HTT: variants seen among roughly 807,000 people sequenced by gnomAD.
HTT encodes huntington disease protein.
A neutral mutation model predicts 362.3 loss-of-function variants in HTT; 104 were observed. The ratio of observed to expected loss-of-function variants is 0.29; its 90% confidence interval spans 0.24 to 0.34. The LOEUF (loss-of-function observed/expected upper bound fraction) is 0.34, where lower values mean the gene tolerates loss of function less well. Among genes scored for constraint, HTT ranks in the 10% least tolerant of loss-of-function variants. The pLI is 1.00. For synonymous variants in HTT, 1,577 were observed against 1,548.7 expected (o/e 1.02, Z -0.43); for missense variants, 3,301 against 3,928.6 (o/e 0.84, Z 4.27).
chr4:3,115,157 G>T, intron 6 of HTT, 147 bp from the exon 7 acceptor site: 2 of 760,058 alleles, frequency 2.6e-6, no homozygotes, highest in East Asian at 5.4e-5. Flanking sequence ...CAAATTTGGG[G>T]TACTTCAGTT....
intron 49 of HTT, 65 bp downstream of exon 49, chr4:3,212,774 G>C: frequency 1.9e-6 from 3 of 1,545,818 alleles, no homozygotes; most frequent in Non-Finnish European, 2.7e-6. Context: ...CACTGAAGAG[G>C]GTAAAGCAGT....
At chr4:3,076,335 C>T (rs28564368) in intron 1 of HTT, among the ~76,000 whole-genome samples, 2 of 152,020 alleles carry the variant, frequency 1.3e-5, no homozygotes, top group African/African-American at 2.4e-5. Context: ...CTGGATGTGT[C>T]CCAGATGGCA....
intron 54 of HTT, 37 bp from the exon 55 acceptor site, chr4:3,223,369 C>A: frequency 6.5e-7 from 1 of 1,533,116 alleles, no homozygotes; most frequent in South Asian, 1.3e-5. Flanking sequence ...TTGTGGGTGT[C>A]TTGCTGCTCT....
intron 61 of HTT, among the ~76,000 whole-genome samples, chr4:3,233,840 G>A (rs1007979174): frequency 3.3e-5 from 5 of 152,192 alleles, no homozygotes; most frequent in African/African-American, 1.2e-4. Context: ...ACCCCTCAGC[G>A]AGCAAGTCAA....
At chr4:3,207,902 T>TA (rs1719942336) in intron 45 of HTT, among the ~76,000 whole-genome samples, 1 of 151,456 alleles carries the variant, frequency 6.6e-6, no homozygotes, top group South Asian at 2.1e-4. Context: ...CAGAATAAGT[T>TA]AAACTTTTAC....
At chr4:3,131,855 T>G in intron 16 of HTT, 80 bp downstream of exon 16, 1 of 1,386,986 alleles carries the variant, frequency 7.2e-7, no homozygotes, top group Non-Finnish European at 1.0e-6. Context: ...TATTTTAGTT[T>G]TAGAGCAGTA....
intron 1 of HTT, among the ~76,000 whole-genome samples, chr4:3,083,274 A>G (rs1171096442): frequency 2.0e-5 from 3 of 152,162 alleles, no homozygotes; most frequent in African/African-American, 7.2e-5. Flanking sequence ...TAATACCAGT[A>G]GTTTGAGACG....
chr4:3,219,834 T>C (rs1051105643), intron 52 of HTT, among the ~76,000 whole-genome samples: 3 of 152,352 alleles, frequency 2.0e-5, no homozygotes, highest in Non-Finnish European at 2.9e-5. Context: ...CTGAACCTCA[T>C]TGAACGCCTG....
At chr4:3,198,076 G>T (rs1159106908) in intron 40 of HTT, among the ~76,000 whole-genome samples, 1 of 152,130 alleles carries the variant, frequency 6.6e-6, no homozygotes, top group South Asian at 2.1e-4. Context: ...TCGTGACCTG[G>T]TCTGCATTCT....
At position 3,074,812 on chromosome 4, in the gene HTT, G is replaced by A; in HGVS notation, c.-14G>A. The stretch of plus-strand genomic sequence containing the variant: ...GAGGCCTCCGGGGACTGCCGTGCCG[G>A]GCGGGAGACCGCCATGGCGACCCTG... On this transcript the variant is annotated 5_prime_UTR_variant, in exon 1 of 67. Coordinates refer to ENST00000355072, the MANE Select transcript of HTT (RefSeq NM_001388492.1). The A allele has an allele frequency of 6.6e-7, 1 of 1,512,620 alleles. No individual in the cohort carries two copies. Among genetic ancestry groups the A allele is most frequent in the Non-Finnish European group, 8.8e-7 (1 of 1,136,382 alleles). 93.7% of individuals were successfully genotyped at this position (1,512,620 alleles called of 1,614,324 possible).
In HTT at chr4:3,074,815, G is replaced by T. The variant is rs1338209203; in HGVS notation, c.-11G>T. 1 of 1,512,206 alleles carries T rather than the reference G, an allele frequency of 6.6e-7. No homozygotes were observed. The highest frequency in any genetic ancestry group is 8.8e-7 in the Non-Finnish European group (1 of 1,135,954). 93.7% of individuals were successfully genotyped at this position (1,512,206 alleles called of 1,614,324 possible). A position where few individuals can be genotyped will look rare whatever the true frequency, so the allele number is the denominator to read the frequency against. ...GCCTCCGGGGACTGCCGTGCCGGGC[G>T]GGAGACCGCCATGGCGACCCTGGAA... is the stretch of plus-strand genomic sequence containing the variant. On this transcript the variant is annotated 5_prime_UTR_variant, in exon 1 of 67. Transcript: ENST00000355072.
At position 3,184,318 on chromosome 4, in the gene HTT, C is replaced by T. The variant is rs573983298; in HGVS notation, c.4866+1848C>T. ...AAGCAATGAGGGTGGAGGAGTGGGG[C>T]AGCCATGGGGAGGGAAGGGAGTGAG... On this transcript the variant is annotated intron_variant, in intron 37 of 66. Transcript: ENST00000355072. Among the ~76,000 whole-genome samples the T allele has an allele frequency of 3.3e-5, 5 of 151,658 alleles. No individual in the cohort carries two copies. The East Asian group carries it at 7.8e-4, about 24-fold the overall frequency.
intron 21 of HTT, among the ~76,000 whole-genome samples, chr4:3,137,496 C>T (rs376784515): frequency 6.6e-6 from 1 of 151,938 alleles, no homozygotes; most frequent in Admixed American, 6.6e-5. Flanking sequence ...GTCAGGAGTT[C>T]GAGACCAGCC....
chr4:3,180,798 G>A (rs1718479188), intron 36 of HTT, 147 bp downstream of exon 36: 1 of 355,262 alleles, frequency 2.8e-6, no homozygotes, highest in African/African-American at 2.2e-5. Flanking sequence ...GCCGGTGCAG[G>A]GGGATGGGGA....
chr4:3,196,892 T>TAGG, intron 40 of HTT, among the ~76,000 whole-genome samples: 1 of 152,216 alleles, frequency 6.6e-6, no homozygotes. Flanking sequence ...GCCCTCCTGC[T>TAGG]TCCTTCATGA....
At chr4:3,080,113 A>G (rs1384302648) in intron 1 of HTT, among the ~76,000 whole-genome samples, 2 of 149,404 alleles carry the variant, frequency 1.3e-5, no homozygotes, top group Non-Finnish European at 3.0e-5. Flanking sequence ...TTTTTTTTTG[A>G]AACGGAGTTT....
intron 8 of HTT, among the ~76,000 whole-genome samples, chr4:3,120,313 GTTGT>G (rs1715233407): frequency 6.6e-6 from 1 of 152,112 alleles, no homozygotes; most frequent in Non-Finnish European, 1.5e-5. Context: ...AAAATTATTT[GTTGT>G]TTGTTTACAG....
intron 2 of HTT, among the ~76,000 whole-genome samples, chr4:3,098,343 T>C (rs1028357193): frequency 5.9e-5 from 9 of 152,232 alleles, no homozygotes; most frequent in African/African-American, 1.9e-4. Context: ...TTGTTTGCAA[T>C]TTTTACCTAG....
intron 10 of HTT, 79 bp from the exon 11 acceptor site, chr4:3,125,470 C>T: frequency 1.2e-6 from 1 of 841,360 alleles, no homozygotes; most frequent in Non-Finnish European, 2.0e-6. Flanking sequence ...TTATGAGTTT[C>T]ATTTTAGAGT....
Sources: allele counts gnomAD v4.1 joint callset (sites outside exome capture counted in the v4.1 genomes callset), GRCh38; gene constraint gnomAD v4.1.1; transcripts MANE v1.5; gene names NCBI Gene and HGNC (gene_info 2026-07-23, HGNC 2026-07-21).